Variants in MTMR2 observed in about 807,000 individuals in gnomAD.
MTMR2 encodes myotubularin related protein 2.
In MTMR2, 55 loss-of-function variants were observed where a neutral mutation model predicts 86.9. The ratio of observed to expected loss-of-function variants is 0.63; its 90% CI spans 0.51 to 0.79. The LOEUF (loss-of-function observed/expected upper bound fraction) is 0.79, where lower values mean the gene tolerates loss of function less well. Among genes scored for constraint, MTMR2 ranks in the 30% least tolerant of loss-of-function variants. The pLI is 0.00. For missense variants in MTMR2, 659 were observed against 772.3 expected (o/e 0.85, Z 1.74); for synonymous variants, 241 against 266.8 (o/e 0.90, Z 0.94).
At chr11:95,916,730 A>G (rs947330230) in intron 1 of MTMR2, among the ~76,000 whole-genome samples, 13 of 152,154 alleles carry the variant, frequency 8.5e-5, no homozygotes, top group Non-Finnish European at 1.5e-4. Flanking sequence ...AATTTTTAAT[A>G]TATTTAATAC....
chr11:95,857,470 T>G lies in MTMR2; in HGVS notation c.654+82A>C, dbSNP rs1302953978. On this transcript the variant is annotated intron_variant, in intron 7 of 14. Transcript: ENST00000346299. ...ATTACTGTGGTATGAGATATGCTGG[T>G]TTTCGTACATGGTTCCACCCAGTTT... 5 of 946,306 alleles carry G rather than the reference T, an allele frequency of 5.3e-6. No individual in the cohort carries two copies. The African/African-American group carries it at 8.1e-5, about 15-fold the overall frequency. 58.6% of individuals were successfully genotyped at this position (946,306 alleles called of 1,614,324 possible).
chr11:95,882,725 GTTT>G (rs572839295), intron 2 of MTMR2, among the ~76,000 whole-genome samples: 4 of 127,962 alleles, frequency 3.1e-5, no homozygotes, highest in African/African-American at 2.8e-5. Context: ...ATTTTGTGTT[GTTT>G]TTTTTTTTTT....
intron 10 of MTMR2, among the ~76,000 whole-genome samples, chr11:95,846,138 A>G (rs867788579): frequency 1.7e-4 from 26 of 152,244 alleles, no homozygotes; most frequent in African/African-American, 6.3e-4. Flanking sequence ...TCATTGTCCA[A>G]TGATCCTAAT....
At chr11:95,843,586 A>G (rs1355441736) in intron 11 of MTMR2, among the ~76,000 whole-genome samples, 1 of 152,184 alleles carries the variant, frequency 6.6e-6, no homozygotes, top group Non-Finnish European at 1.5e-5. Context: ...ACATATCTGT[A>G]TATGGTTAGA....
intron 2 of MTMR2, among the ~76,000 whole-genome samples, chr11:95,877,142 C>A (rs1252196470): frequency 1.3e-5 from 2 of 152,140 alleles, no homozygotes; most frequent in Non-Finnish European, 2.9e-5. Context: ...GATAATCCTT[C>A]TAAAGAAAAC....
intron 7 of MTMR2, among the ~76,000 whole-genome samples, chr11:95,854,901 A>G (rs893120929): frequency 3.3e-5 from 5 of 151,752 alleles, no homozygotes; most frequent in African/African-American, 1.2e-4. Context: ...CTCGAGCTCC[A>G]GGGCTCCATC....
At chr11:95,903,461 C>A (rs1866147456) in intron 1 of MTMR2, among the ~76,000 whole-genome samples, 1 of 152,144 alleles carries the variant, frequency 6.6e-6, no homozygotes, top group South Asian at 2.1e-4. Context: ...ACCATACCCA[C>A]ACAGTTGAAC....
chr11:95,844,034 A>G lies in MTMR2; in HGVS notation c.1386+919T>C, dbSNP rs375687710. On this transcript the variant is annotated intron_variant, in intron 11 of 14. Coordinates refer to ENST00000346299, the MANE Select transcript of MTMR2 (RefSeq NM_016156.6). ...GGTGCCCTTTAATTGTCAAGATTCT[A>G]TTTTCAGAATATAACTAGGTAAAAA... Among the ~76,000 whole-genome samples, 37 of 152,212 alleles carry G rather than the reference A, an allele frequency of 2.4e-4. No individual in the cohort carries two copies. In the South Asian group the frequency reaches 6.4e-3, roughly 26 times the overall value.
chr11:95,908,086 T>C (rs77719655), intron 1 of MTMR2, among the ~76,000 whole-genome samples: 5,448 of 152,108 alleles, frequency 0.036, 146 homozygotes, highest in Middle Eastern at 0.065. Context: ...ATTTCATACC[T>C]AGTAAACCCA....
chr11:95,886,293 ATTATCTTT>A (rs1865509043), intron 2 of MTMR2, among the ~76,000 whole-genome samples: 1 of 152,198 alleles, frequency 6.6e-6, no homozygotes, highest in Non-Finnish European at 1.5e-5. Flanking sequence ...TGGGAACTCT[ATTATCTTT>A]GCAATTTTTC....
chr11:95,847,803 G>C lies in MTMR2; in HGVS notation c.1090C>G (p.Arg364Gly), dbSNP rs776757548. The C allele has an allele frequency of 6.2e-7, 1 of 1,613,490 alleles. No homozygotes were observed. ...HNIHVMRESLRKLKEIVYPNI... is the reference protein window; with the variant it reads ...HNIHVMRESLGKLKEIVYPNI... The stretch of plus-strand genomic sequence containing the variant: ...GGGTACACAATCTCCTTAAGTTTTC[G>C]TAATGATTCTCTCATAACATGAATA... Residue 364 changes from arginine to glycine, a missense_variant, in exon 10 of 15, where the codon CGA (arginine) becomes GGA (glycine). By Grantham distance (125) the Arg-to-Gly change is moderately radical. Transcript: ENST00000346299.
At chr11:95,870,327 A>G (rs891345905) in intron 2 of MTMR2, among the ~76,000 whole-genome samples, 3 of 152,142 alleles carry the variant, frequency 2.0e-5, no homozygotes, top group Admixed American at 6.6e-5. Context: ...TAAGGACTTT[A>G]AACTTGACCA....
Position 95,838,108 on chromosome 11 carries a change from GT to G in MTMR2, c.1578del (p.Gln526HisfsTer19). The G allele has an allele frequency of 1.3e-6, 2 of 1,598,206 alleles. No homozygotes were observed. The highest frequency in any genetic ancestry group is 1.7e-6 in the Non-Finnish European group (2 of 1,165,964). ...LFGTFLCNSEQQRGKENLPKR... is the reference protein window; with the variant it reads ...LFGTFLCNSEXQRGKENLPKR... ...TCATATTTTACCTCTTTTCCTCTCT[GT>G]TGTTCACTATTACAGAGGAATGTTC... is the stretch of plus-strand genomic sequence containing the variant. On this transcript the variant is annotated frameshift_variant, in exon 13 of 15. Coordinates refer to ENST00000346299, the MANE Select transcript of MTMR2 (RefSeq NM_016156.6). LOFTEE classifies it high-confidence loss of function.
chr11:95,914,397 G>C, intron 1 of MTMR2: 1 of 983,298 alleles, frequency 1.0e-6, no homozygotes, highest in African/African-American at 1.7e-5. Context: ...AAAGCCTGCA[G>C]GGCAGGGAGT....
intron 1 of MTMR2, among the ~76,000 whole-genome samples, chr11:95,923,250 G>A (rs1302241228): frequency 6.6e-6 from 1 of 152,164 alleles, no homozygotes; most frequent in Non-Finnish European, 1.5e-5. Context: ...ACCTATCACT[G>A]GGGATAAAAA....
rs536120159 is a variant in MTMR2 at position 95,905,608 on chromosome 11, T to G, written c.81-17347A>C. Among the ~76,000 whole-genome samples, 17 of 152,300 alleles carry G rather than the reference T, an allele frequency of 1.1e-4. No homozygotes were observed. In the South Asian group the frequency reaches 1.9e-3, roughly 17 times the overall value. On this transcript the variant is annotated intron_variant, in intron 1 of 14. Coordinates refer to ENST00000346299, the MANE Select transcript of MTMR2 (RefSeq NM_016156.6). ...ATATACGCCTCCCTCAGCACATTCATCTTTAATTCATACCTATTAAAAACT... is the reference window on the plus strand; with the variant it reads ...ATATACGCCTCCCTCAGCACATTCAGCTTTAATTCATACCTATTAAAAACT...
rs1865585179 is a variant in MTMR2 at position 95,888,269 on chromosome 11, A to C, written c.81-8T>G. 6.3e-7 allele frequency: 1 copy of C among 1,582,014 alleles called. No homozygotes were observed. The highest frequency in any genetic ancestry group is 1.7e-5 in the Admixed American group (1 of 59,786). On this transcript the variant is annotated splice_region_variant and splice_polypyrimidine_tract_variant and intron_variant, in intron 1 of 14. Coordinates refer to ENST00000346299, the MANE Select transcript of MTMR2 (RefSeq NM_016156.6). ...GAATGAGAAGTGGAGGCACTACAAA[A>C]TACAAAAGTACAGTATGTTGGAAAA...
chr11:95,869,523 A>ATTAT (rs1864771025), intron 2 of MTMR2, among the ~76,000 whole-genome samples: 5 of 152,182 alleles, frequency 3.3e-5, no homozygotes, highest in Admixed American at 3.3e-4. Flanking sequence ...AGGGAACCAT[A>ATTAT]AATCAATCTC....
intron 5 of MTMR2, among the ~76,000 whole-genome samples, chr11:95,858,843 T>C (rs1864304182): frequency 6.6e-6 from 1 of 152,078 alleles, no homozygotes; most frequent in Non-Finnish European, 1.5e-5. Context: ...TGAAGCAGAA[T>C]TCAGAGGGCA....
Sources: gnomAD v4.1 joint callset for allele counts (sites outside exome capture counted in the v4.1 genomes callset) on GRCh38, gnomAD v4.1.1 for gene constraint, MANE v1.5 for transcripts, NCBI Gene and HGNC (gene_info 2026-07-23, HGNC 2026-07-21) for gene names.